Variants in ANKRD36B observed in about 807,000 individuals in gnomAD.
ANKRD36B encodes ankyrin repeat domain 36B.
A neutral mutation model predicts 135.7 loss-of-function variants in ANKRD36B; 37 were observed. The ratio of observed to expected loss-of-function variants is 0.27; its 90% CI spans 0.21 to 0.36. ANKRD36B has a LOEUF of 0.36. ANKRD36B is among the 10% of genes least tolerant of loss of function. ANKRD36B has a pLI of 1.00. For synonymous variants in ANKRD36B, 179 were observed against 348.1 expected, an observed-to-expected ratio of 0.51 and a Z score of 5.41; for missense variants, 549 against 1,037.1, an observed-to-expected ratio of 0.53 and a Z score of 6.46.
Position 97,528,402 on chromosome 2 carries a change from C to G in ANKRD36B, c.2265+3909G>C, listed in dbSNP as rs2078346290. The stretch of plus-strand genomic sequence containing the variant: ...CAGAATCTCTGGGACACATTCAAAG[C>G]AGTGTACAGTGGGAAATTTATAGCA... On this transcript the variant is annotated intron_variant, in intron 35 of 43. Coordinates refer to ENST00000359901, the MANE Select transcript of ANKRD36B (RefSeq NM_001393939.1). 2.1e-5 allele frequency among the ~76,000 whole-genome samples: 2 copies of G among 94,076 alleles called. 1 individual carries two copies. Among genetic ancestry groups the G allele is most frequent in the Admixed American group, 1.9e-4 (2 of 10,594 alleles). 61.7% of individuals were successfully genotyped at this position (94,076 alleles called of 152,430 possible).
intron 22 of ANKRD36B, 150 bp downstream of exon 22, chr2:97,547,386 T>C (rs1319147381): frequency 1.1e-5 from 11 of 979,386 alleles, no homozygotes; most frequent in Non-Finnish European, 1.6e-5. Context: ...GCAGCAACAC[T>C]ATCACCCACG....
rs2077513549 is a variant in ANKRD36B at position 97,511,117 on chromosome 2, CTTAT to C, written c.3720+17_3720+20del. On this transcript the variant is annotated intron_variant, in intron 39 of 43. Transcript: ENST00000359901. Reference sequence around the variant, plus strand: ...TTTACTTCAGGAAGTTTGAAAAATACTTATTTTTCTTGATACTTACTTCTCTTTC... The same window carrying C: ...TTTACTTCAGGAAGTTTGAAAAATACTTTTCTTGATACTTACTTCTCTTTC... 1 of 396,226 alleles carries C rather than the reference CTTAT, an allele frequency of 2.5e-6. No homozygotes were observed. The highest frequency in any genetic ancestry group is 2.5e-5 in the African/African-American group (1 of 39,370). 24.5% of individuals were successfully genotyped at this position (396,226 alleles called of 1,614,324 possible).
chr2:97,534,674 A>G lies in ANKRD36B; in HGVS notation c.2191+1626T>C, dbSNP rs2078769029. On this transcript the variant is annotated intron_variant, in intron 34 of 43. Transcript: ENST00000359901. ...AATGGCTTTTATCCAAATGGCAGGC[A>G]TTAAGAAATGCTGGTGAGGATGTGG... Among the ~76,000 whole-genome samples the G allele has an allele frequency of 2.1e-5, 2 of 97,120 alleles. 1 individual carries two copies. The highest frequency in any genetic ancestry group is 6.2e-5 in the African/African-American group (2 of 32,336). The allele number at this position is 97,120 out of a possible 152,430, so 63.7% of individuals were successfully genotyped here. A position where few individuals can be genotyped will look rare whatever the true frequency, so the allele number is the denominator to read the frequency against.
chr2:97,584,454 CTT>C, intron 3 of ANKRD36B, among the ~76,000 whole-genome samples: 1 of 151,498 alleles, frequency 6.6e-6, no homozygotes, highest in Non-Finnish European at 1.5e-5. Context: ...ATTTTTCCCT[CTT>C]AAGCCTTTCC....
intron 16 of ANKRD36B, 26 bp downstream of exon 16, chr2:97,553,142 A>G: frequency 6.2e-7 from 1 of 1,602,240 alleles, no homozygotes; most frequent in Non-Finnish European, 8.5e-7. Context: ...ATTGAACATG[A>G]CATTGAATGT....
intron 6 of ANKRD36B, among the ~76,000 whole-genome samples, chr2:97,566,933 C>T (rs186789342): frequency 6.6e-6 from 1 of 152,122 alleles, no homozygotes; most frequent in Non-Finnish European, 1.5e-5. Context: ...TGTGTCAGAT[C>T]CCACAGGTTG....
At chr2:97,567,890 T>C (rs2264184) in intron 6 of ANKRD36B, among the ~76,000 whole-genome samples, 8 of 152,150 alleles carry the variant, frequency 5.3e-5, no homozygotes, top group South Asian at 4.1e-4. Context: ...TTCTTTCTGA[T>C]ATATAGTCAA....
In ANKRD36B at chr2:97,589,549, G is replaced by A. The variant is rs185401750; in HGVS notation, c.137C>T (p.Ala46Val). The change falls in exon 1 of 44, where the codon GCC becomes GTC. Residue 46 changes from alanine to valine, a missense_variant. Physicochemically the swap from Ala to Val is moderately conservative, Grantham distance 64. Transcript: ENST00000359901. ...CCTTTCCTTCCTGTCTCTCTTATTG[G>A]CGTCATAATACGTGAGCAGAAGGTA... ...LKYLLLTYYDANKRDRKERTA... is the reference protein window; with the variant it reads ...LKYLLLTYYDVNKRDRKERTA... 3,563 of 1,604,536 alleles carry A rather than the reference G, an allele frequency of 2.2e-3. 62 individuals are homozygous for A. The African/African-American group carries it at 0.037, about 17-fold the overall frequency.
chr2:97,573,808 A>G (rs1161642744), intron 6 of ANKRD36B, among the ~76,000 whole-genome samples: 2 of 152,160 alleles, frequency 1.3e-5, no homozygotes, highest in Non-Finnish European at 2.9e-5. Context: ...TATTTAATAA[A>G]TGGTGCTGGG....
At chr2:97,494,575 C>T (rs2077283767) in intron 43 of ANKRD36B, among the ~76,000 whole-genome samples, 1 of 106,896 alleles carries the variant, frequency 9.4e-6, no homozygotes, top group African/African-American at 2.6e-5. Context: ...GTCCCACCTC[C>T]AACATTGGGG....
At chr2:97,496,436 T>A (rs1434511946) in intron 43 of ANKRD36B, among the ~76,000 whole-genome samples, 3 of 71,676 alleles carry the variant, frequency 4.2e-5, no homozygotes, top group African/African-American at 7.5e-5. Flanking sequence ...TGAGGGCAGT[T>A]ATGCTAAATA....
At chr2:97,509,334 AT>A (rs1390047063) in intron 40 of ANKRD36B, among the ~76,000 whole-genome samples, 1 of 38,612 alleles carries the variant, frequency 2.6e-5, no homozygotes, top group African/African-American at 1.0e-4. Flanking sequence ...TAAGAAAAAA[AT>A]ATATGTATAA....
At chr2:97,555,363 A>T in intron 12 of ANKRD36B, 109 bp from the exon 13 acceptor site, 2 of 1,497,170 alleles carry the variant, frequency 1.3e-6, no homozygotes, top group East Asian at 4.7e-5. Flanking sequence ...GTATTAGTAT[A>T]GGCTTTGATT....
intron 6 of ANKRD36B, among the ~76,000 whole-genome samples, chr2:97,568,947 G>A (rs369784358): frequency 2.0e-5 from 3 of 152,222 alleles, no homozygotes; most frequent in East Asian, 3.9e-4. Context: ...GAAAGAAGGT[G>A]AATAAGAAAC....
At chr2:97,580,710 T>A in intron 3 of ANKRD36B, 142 bp from the exon 4 acceptor site, 1 of 622,552 alleles carries the variant, frequency 1.6e-6, no homozygotes, top group Non-Finnish European at 2.5e-6. Flanking sequence ...CCCTCCTCGG[T>A]GCTTTTCTAT....
At position 97,544,784 on chromosome 2, in the gene ANKRD36B, C is replaced by T. The variant is rs1184532937; in HGVS notation, c.1682-799G>A. 2.1e-5 allele frequency among the ~76,000 whole-genome samples: 2 copies of T among 96,350 alleles called. 1 individual carries two copies. The highest frequency in any genetic ancestry group is 5.6e-5 in the Non-Finnish European group (2 of 35,892). 63.2% of individuals were successfully genotyped at this position (96,350 alleles called of 152,430 possible). A position where few individuals can be genotyped will look rare whatever the true frequency, so the allele number is the denominator to read the frequency against. ...ATCAATCAAATATTCATTGAAAGGA[C>T]CACTTTAGGAGTTAATTAGAATTCA... On this transcript the variant is annotated intron_variant, in intron 24 of 43. Transcript: ENST00000359901.
intron 12 of ANKRD36B, among the ~76,000 whole-genome samples, 198 bp downstream of exon 12, chr2:97,556,739 C>G (rs925005048): frequency 3.3e-5 from 5 of 151,870 alleles, no homozygotes; most frequent in Non-Finnish European, 5.9e-5. Context: ...ATGTAGGGAA[C>G]TCTATAAGCT....
At chr2:97,547,903 G>T (rs1328363585) in intron 20 of ANKRD36B, among the ~76,000 whole-genome samples, 172 bp from the exon 21 acceptor site, 1 of 151,740 alleles carries the variant, frequency 6.6e-6, no homozygotes, top group Admixed American at 6.6e-5. Flanking sequence ...GCTGAGAAAA[G>T]GGAATACAGG....
chr2:97,575,214 G>T (rs878912578), intron 6 of ANKRD36B, among the ~76,000 whole-genome samples: 1 of 151,994 alleles, frequency 6.6e-6, no homozygotes, highest in Non-Finnish European at 1.5e-5. Flanking sequence ...CCTGGGGGTG[G>T]GGAGGGAAAG....
Sources: gnomAD v4.1 joint callset for allele counts (sites outside exome capture counted in the v4.1 genomes callset) on GRCh38, gnomAD v4.1.1 for gene constraint, MANE v1.5 for transcripts, NCBI Gene and HGNC (gene_info 2026-07-23, HGNC 2026-07-21) for gene names.